BTAF1: variants seen among roughly 807,000 people sequenced by gnomAD.
BTAF1 encodes the protein TATA-binding protein-associated factor 172.
Under a neutral mutation model 227.1 loss-of-function variants are expected in BTAF1, and 38 were observed. The ratio of observed to expected loss-of-function variants is 0.17; its 90% confidence interval spans 0.13 to 0.22. The LOEUF (loss-of-function observed/expected upper bound fraction) is 0.22, where lower values mean the gene tolerates loss of function less well. Among genes scored for constraint, BTAF1 ranks in the 10% least tolerant of loss-of-function variants. BTAF1 has a pLI of 1.00. For missense variants in BTAF1, 1,598 were observed against 2,204.0 expected (o/e 0.73, Z 5.51); for synonymous variants, 742 against 751.9 (o/e 0.99, Z 0.21).
chr10:91,957,362 G>A, intron 8 of BTAF1, 69 bp downstream of exon 8: 1 of 1,300,400 alleles, frequency 7.7e-7, no homozygotes. Flanking sequence ...AATGTCAAGA[G>A]CAATATACTT....
At chr10:91,978,020 A>G (rs989951782) in intron 14 of BTAF1, among the ~76,000 whole-genome samples, 1 of 152,208 alleles carries the variant, frequency 6.6e-6, no homozygotes, top group Non-Finnish European at 1.5e-5. Flanking sequence ...ACACATTATT[A>G]TCAACCAAAG....
chr10:92,004,388 G>A (rs916368646), intron 25 of BTAF1, among the ~76,000 whole-genome samples: 1 of 152,116 alleles, frequency 6.6e-6, no homozygotes, highest in Admixed American at 6.5e-5. Flanking sequence ...GCACCATTGA[G>A]CATTTCCTTC....
At chr10:91,988,014 G>A (rs1236783653) in intron 19 of BTAF1, among the ~76,000 whole-genome samples, 6 of 151,980 alleles carry the variant, frequency 3.9e-5, no homozygotes, top group African/African-American at 1.5e-4. Flanking sequence ...ACCTCACTTT[G>A]TTTGCCAAGA....
At chr10:92,007,402 A>C (rs976555908) in intron 25 of BTAF1, among the ~76,000 whole-genome samples, 16 of 151,694 alleles carry the variant, frequency 1.1e-4, no homozygotes, top group Non-Finnish European at 2.1e-4. Flanking sequence ...TTTAGTAGAG[A>C]GACAGGGTTT....
intron 25 of BTAF1, among the ~76,000 whole-genome samples, chr10:92,006,454 G>T (rs1849892559): frequency 6.6e-6 from 1 of 152,102 alleles, no homozygotes; most frequent in African/African-American, 2.4e-5. Flanking sequence ...TATCTCCCCT[G>T]CCAGGTAAGT....
chr10:91,969,929 CA>C (rs1276085075), intron 14 of BTAF1, among the ~76,000 whole-genome samples: 7 of 150,664 alleles, frequency 4.6e-5, no homozygotes, highest in African/African-American at 1.7e-4. Flanking sequence ...GCACCACTGC[CA>C]AGCCTGGATA....
intron 1 of BTAF1, among the ~76,000 whole-genome samples, chr10:91,934,448 G>A (rs1411754301): frequency 6.6e-6 from 1 of 152,004 alleles, no homozygotes; most frequent in African/African-American, 2.4e-5. Flanking sequence ...TGATGGCCAG[G>A]CTGGTCTCGA....
chr10:91,987,424 A>G (rs1848480577), intron 19 of BTAF1, among the ~76,000 whole-genome samples: 1 of 152,124 alleles, frequency 6.6e-6, no homozygotes, highest in Non-Finnish European at 1.5e-5. Context: ...CGGAGCTTGC[A>G]GTGAACCAAG....
intron 12 of BTAF1, 91 bp from the exon 13 acceptor site, chr10:91,963,986 G>C: frequency 5.1e-6 from 7 of 1,385,056 alleles, no homozygotes; most frequent in Non-Finnish European, 6.0e-6. Context: ...ATGTGTTGTT[G>C]AATCAGTAGT....
chr10:91,994,089 A>G (rs1258188950), intron 22 of BTAF1, among the ~76,000 whole-genome samples: 1 of 152,132 alleles, frequency 6.6e-6, no homozygotes, highest in African/African-American at 2.4e-5. Context: ...CCAGGTGGGC[A>G]GATCACTTGA....
chr10:91,933,087 C>A (rs984007406), intron 1 of BTAF1, among the ~76,000 whole-genome samples: 19 of 152,184 alleles, frequency 1.2e-4, no homozygotes, highest in Non-Finnish European at 2.5e-4. Flanking sequence ...CAGGAAACCA[C>A]CCCCTTGAGG....
chr10:91,969,542 C>T (rs1005120722), intron 14 of BTAF1, among the ~76,000 whole-genome samples: 5 of 152,210 alleles, frequency 3.3e-5, no homozygotes, highest in South Asian at 4.1e-4. Flanking sequence ...TGTTCTTTTT[C>T]GGTTTGCTGT....
At chr10:91,930,854 C>T (rs1844230608) in intron 1 of BTAF1, among the ~76,000 whole-genome samples, 1 of 152,106 alleles carries the variant, frequency 6.6e-6, no homozygotes, top group African/African-American at 2.4e-5. Flanking sequence ...CTACTCTTGA[C>T]TGGTCATGCT....
At chr10:91,990,014 G>A (rs1189387232) in intron 20 of BTAF1, among the ~76,000 whole-genome samples, 1 of 152,160 alleles carries the variant, frequency 6.6e-6, no homozygotes, top group Admixed American at 6.5e-5. Context: ...TTTAGTGCAT[G>A]TTTTATGAGA....
At chr10:92,028,089 A>G (rs1384685235) in intron 37 of BTAF1, among the ~76,000 whole-genome samples, 3 of 152,324 alleles carry the variant, frequency 2.0e-5, no homozygotes, top group African/African-American at 4.8e-5. Context: ...AGGTTCTTCA[A>G]TCATGTCATA....
intron 35 of BTAF1, among the ~76,000 whole-genome samples, chr10:92,025,527 C>A (rs1375834938): frequency 6.6e-6 from 1 of 151,944 alleles, no homozygotes; most frequent in Non-Finnish European, 1.5e-5. Context: ...AGCATCCCAG[C>A]TGAGCGCGGT....
chr10:91,949,970 TAAAATTA>T (rs1266279987), intron 4 of BTAF1, among the ~76,000 whole-genome samples: 2 of 151,928 alleles, frequency 1.3e-5, no homozygotes, highest in Admixed American at 6.6e-5. Context: ...ACCCCATCTC[TAAAATTA>T]AAAATTAAAA....
At chr10:91,963,927 C>T in intron 12 of BTAF1, 150 bp from the exon 13 acceptor site, 1 of 746,758 alleles carries the variant, frequency 1.3e-6, no homozygotes, top group Non-Finnish European at 2.1e-6. Context: ...ATAGTGTGAC[C>T]TCCTTAACTT....
At position 92,025,443 on chromosome 10, in the gene BTAF1, TAAA is replaced by T. The variant is rs1206825069; in HGVS notation, c.5075+484_5075+486del. Among the ~76,000 whole-genome samples, 6 of 147,898 alleles carry T rather than the reference TAAA, an allele frequency of 4.1e-5. No homozygotes were observed. The South Asian group carries it at 8.8e-4, about 22-fold the overall frequency. ...AAATCTCAGTGGTTGCTTTTTTTTTTAAAAAAAAAATGCAGATTCCTAGGTTCT... is the reference window on the plus strand; with the variant it reads ...AAATCTCAGTGGTTGCTTTTTTTTTTAAAAAAATGCAGATTCCTAGGTTCT... On this transcript the variant is annotated intron_variant, in intron 35 of 37. Transcript: ENST00000265990.
Sources: allele counts gnomAD v4.1 joint callset (sites outside exome capture counted in the v4.1 genomes callset), GRCh38; gene constraint gnomAD v4.1.1; transcripts MANE v1.5; gene names NCBI Gene and HGNC (gene_info 2026-07-23, HGNC 2026-07-21).